The following CXorf38 variants were observed in gnomAD, a reference collection of about 807,000 sequenced individuals.
CXorf38 encodes uncharacterized protein CXorf38.
Under a neutral mutation model 27.5 loss-of-function variants are expected in CXorf38, and 13 were observed. That is an observed-to-expected ratio of 0.47 (90% CI 0.31 to 0.75). The LOEUF (loss-of-function observed/expected upper bound fraction) is 0.75. CXorf38 is among the 30% of genes least tolerant of loss of function. The probability of loss-of-function intolerance (pLI) is 0.05; values close to 1 mark genes in which losing one functional copy is unlikely to be tolerated. For synonymous variants in CXorf38, 100 were observed against 99.8 expected, an observed-to-expected ratio of 1.00 and a Z score of -0.01; for missense variants, 240 against 253.2, an observed-to-expected ratio of 0.95 and a Z score of 0.35.
chrX:40,641,183 C>T (rs1439613410), intron 2 of CXorf38, among the ~76,000 whole-genome samples: 4 of 110,818 alleles, frequency 3.6e-5, no homozygotes, highest in Non-Finnish European at 7.6e-5. Flanking sequence ...TGTAACTGCA[C>T]TCAAGCCTGG....
In CXorf38 at chrX:40,647,338, G is replaced by A; in HGVS notation, c.183C>T (p.Arg61=). 1 of 1,113,257 alleles carries A rather than the reference G, an allele frequency of 9.0e-7. No homozygotes were observed. The allele number at this position is 1,113,257 out of a possible 1,213,427, so 91.7% of individuals were successfully genotyped here. ...CGCGAGGGCTGCACCGTGAGCCGCC[G>A]CGGCAGACGGCGCGGGGCCCCAGGC... is the stretch of plus-strand genomic sequence containing the variant. ...APGLGPRAVC[R]GGSRCSPRAR... The change falls in exon 1 of 7, where the codon CGC becomes CGT. Residue 61 remains arginine, a synonymous_variant. Coordinates refer to ENST00000327877, the MANE Select transcript of CXorf38 (RefSeq NM_144970.3).
intron 2 of CXorf38, 157 bp from the exon 3 acceptor site, chrX:40,639,285 A>C (rs886578718): frequency 3.9e-6 from 2 of 507,558 alleles, no homozygotes; most frequent in African/African-American, 4.8e-5. Flanking sequence ...GCAAGTAGGG[A>C]AACTGTCACA....
chrX:40,637,601 A>C (rs1928135289), intron 3 of CXorf38, among the ~76,000 whole-genome samples: 1 of 112,481 alleles, frequency 8.9e-6, no homozygotes, highest in Non-Finnish European at 1.9e-5. Flanking sequence ...CATGGGAGTT[A>C]CATGAGCCCT....
At chrX:40,632,111 G>A (rs142383788) in intron 5 of CXorf38, among the ~76,000 whole-genome samples, 16 of 111,962 alleles carry the variant, frequency 1.4e-4, no homozygotes, top group African/African-American at 4.5e-4. Context: ...GCACTGCATC[G>A]TTAGCTCTCA....
At chrX:40,636,156 T>A (rs1928056354) in intron 5 of CXorf38, among the ~76,000 whole-genome samples, 1 of 112,620 alleles carries the variant, frequency 8.9e-6, no homozygotes, top group Admixed American at 9.4e-5. Flanking sequence ...CTTTTTCTCT[T>A]GCCAATTTGT....
intron 4 of CXorf38, 145 bp from the exon 5 acceptor site, chrX:40,636,857 A>G: frequency 1.3e-6 from 1 of 778,708 alleles, no homozygotes; most frequent in East Asian, 3.4e-5. Context: ...TCAGCCCAGC[A>G]TAATTACAGA....
chrX:40,631,537 C>G (rs1927810610), intron 5 of CXorf38, among the ~76,000 whole-genome samples: 2 of 111,274 alleles, frequency 1.8e-5, no homozygotes, highest in African/African-American at 6.5e-5. Flanking sequence ...AACCCCTGAC[C>G]TCAGGTGATT....
intron 5 of CXorf38, among the ~76,000 whole-genome samples, chrX:40,631,294 T>C (rs1456073352): frequency 9.8e-6 from 1 of 102,381 alleles, no homozygotes; most frequent in African/African-American, 3.7e-5. Context: ...CACACACGTG[T>C]ATGTGTGTGT....
At chrX:40,633,954 C>T (rs189238163) in intron 5 of CXorf38, among the ~76,000 whole-genome samples, 103 of 111,082 alleles carry the variant, frequency 9.3e-4, no homozygotes, top group South Asian at 1.5e-3. Context: ...GACACAAACT[C>T]CACATGTGTT....
chrX:40,645,027 G>C (rs1048889260), intron 2 of CXorf38, among the ~76,000 whole-genome samples: 1 of 112,032 alleles, frequency 8.9e-6, no homozygotes, highest in Non-Finnish European at 1.9e-5. Context: ...TGAGATAACA[G>C]CAAGGGACGG....
chrX:40,645,649 C>T (rs1209092201), intron 2 of CXorf38, among the ~76,000 whole-genome samples: 2 of 110,690 alleles, frequency 1.8e-5, no homozygotes, highest in Non-Finnish European at 3.8e-5. Flanking sequence ...CAGGGTCTTG[C>T]TCTGTCACCC....
At position 40,627,378 on chromosome X, in the gene CXorf38, A is replaced by T. The variant is rs927675603; in HGVS notation, c.*2786T>A. 8.9e-6 allele frequency: 1 copy of T among 111,996 alleles called. No individual in the cohort carries two copies. Among genetic ancestry groups the T allele is most frequent in the African/African-American group, 3.3e-5 (1 of 30,750 alleles). The allele number at this position is 111,996 out of a possible 1,213,427, so 9.2% of individuals were successfully genotyped here. On this transcript the variant is annotated 3_prime_UTR_variant, in exon 7 of 7. Coordinates refer to ENST00000327877, the MANE Select transcript of CXorf38 (RefSeq NM_144970.3). The stretch of plus-strand genomic sequence containing the variant: ...GCTAATTTTTGTAGTTTTAGTAGAG[A>T]CAGCGTTTCGCCACATTGGCCAGGT...
intron 6 of CXorf38, 200 bp downstream of exon 6, chrX:40,630,414 G>T: frequency 2.8e-6 from 1 of 353,024 alleles, no homozygotes; most frequent in Non-Finnish European, 4.8e-6. Flanking sequence ...ACAGGGAGTT[G>T]ATGCTGAATT....
intron 5 of CXorf38, among the ~76,000 whole-genome samples, chrX:40,631,802 T>C (rs925773211): frequency 2.7e-5 from 3 of 111,119 alleles, no homozygotes; most frequent in South Asian, 7.6e-4. Flanking sequence ...AGTAAGCAAA[T>C]GAAAGAGCCA....
In CXorf38 at chrX:40,647,147, G is replaced by A. The variant is rs772433512; in HGVS notation, c.217-6C>T. 2 of 1,211,262 alleles carry A rather than the reference G, an allele frequency of 1.7e-6. No homozygotes were observed. The highest frequency in any genetic ancestry group is 2.2e-6 in the Non-Finnish European group (2 of 895,013). ...ACCTGACACTGAGGCTGAAACTACA[G>A]GGGGCGGCGGTGAGGAGGGGCCCAG... On this transcript the variant is annotated splice_polypyrimidine_tract_variant and splice_region_variant and intron_variant, in intron 1 of 6. Coordinates refer to ENST00000327877, the MANE Select transcript of CXorf38 (RefSeq NM_144970.3).
At chrX:40,632,324 A>AC (rs1173262805) in intron 5 of CXorf38, among the ~76,000 whole-genome samples, 6 of 108,838 alleles carry the variant, frequency 5.5e-5, no homozygotes, top group Admixed American at 9.7e-5. Context: ...CTACCTCCTG[A>AC]CCCCCCCTGC....
chrX:40,634,328 C>T (rs928122313), intron 5 of CXorf38, among the ~76,000 whole-genome samples: 1 of 112,029 alleles, frequency 8.9e-6, no homozygotes, highest in Non-Finnish European at 1.9e-5. Context: ...ACCTTGGCCT[C>T]TGAAAGTGCC....
intron 6 of CXorf38, 122 bp downstream of exon 6, chrX:40,630,492 G>T: frequency 1.4e-6 from 1 of 690,166 alleles, no homozygotes; most frequent in Non-Finnish European, 2.1e-6. Flanking sequence ...GAAACAATAA[G>T]GACAAAGGCA....
At chrX:40,642,674 G>T (rs975871775) in intron 2 of CXorf38, among the ~76,000 whole-genome samples, 2 of 112,108 alleles carry the variant, frequency 1.8e-5, no homozygotes, top group African/African-American at 6.5e-5. Flanking sequence ...AAGATAACAG[G>T]TATGAAACCT....
Sources: gnomAD v4.1 joint callset for allele counts (sites outside exome capture counted in the v4.1 genomes callset) on GRCh38, gnomAD v4.1.1 for gene constraint, MANE v1.5 for transcripts, NCBI Gene and HGNC (gene_info 2026-07-23, HGNC 2026-07-21) for gene names.